REV3L: variants seen among roughly 807,000 people sequenced by gnomAD.
REV3L encodes the protein REV3 like, DNA directed polymerase zeta catalytic subunit, also known as DNA polymerase zeta catalytic subunit.
In REV3L, 69 loss-of-function variants were observed where a neutral mutation model predicts 299.4. The observed-to-expected ratio is 0.23, with a 90% CI of 0.19 to 0.28. REV3L has a LOEUF of 0.28. REV3L is among the 10% of genes least tolerant of loss of function. The pLI is 1.00. For synonymous variants in REV3L, 1,238 were observed against 1,271.4 expected (o/e 0.97, Z 0.56); for missense variants, 3,128 against 3,693.8 (o/e 0.85, Z 3.97).
chr6:111,419,574 T>C (rs1386237486), intron 1 of REV3L, among the ~76,000 whole-genome samples: 1 of 152,204 alleles, frequency 6.6e-6, no homozygotes, highest in Non-Finnish European at 1.5e-5. Flanking sequence ...TAGGATTAGG[T>C]TAAATTGTGA....
At chr6:111,336,618 C>T (rs895623605) in intron 21 of REV3L, among the ~76,000 whole-genome samples, 4 of 151,994 alleles carry the variant, frequency 2.6e-5, no homozygotes, top group African/African-American at 9.7e-5. Flanking sequence ...TTTGGCAGTT[C>T]CTCAAACAGT....
At chr6:111,470,625 A>G (rs531446974) in intron 1 of REV3L, among the ~76,000 whole-genome samples, 2 of 152,254 alleles carry the variant, frequency 1.3e-5, no homozygotes, top group Non-Finnish European at 2.9e-5. Flanking sequence ...AGCATTATCA[A>G]CTAAGGTGTG....
At chr6:111,456,761 C>G (rs977975494) in intron 1 of REV3L, among the ~76,000 whole-genome samples, 5 of 152,108 alleles carry the variant, frequency 3.3e-5, no homozygotes, top group Non-Finnish European at 5.9e-5. Context: ...TCAGACATAT[C>G]CAAAGAATCT....
chr6:111,470,584 T>C (rs1792077557), intron 1 of REV3L, among the ~76,000 whole-genome samples: 1 of 152,236 alleles, frequency 6.6e-6, no homozygotes, highest in Admixed American at 6.5e-5. Flanking sequence ...CTTTTAACTA[T>C]AATAACATGG....
chr6:111,373,964 C>T lies in REV3L; in HGVS notation c.4391G>A (p.Arg1464Lys). Residue 1464 changes from arginine to lysine, a missense_variant, in exon 13 of 32, where the codon AGA becomes AAA. Coordinates refer to ENST00000368802, the MANE Select transcript of REV3L (RefSeq NM_001372078.1). ...CCATGCTATTTGTTTGATTGGACTT[C>T]TCAAGGAAGTTACAAAGCAATTATT... The part of the protein sequence containing the change: ...MPNNCFVTSL[R>K]SPIKQIAWEQ... 1.2e-6 allele frequency: 2 copies of T among 1,614,104 alleles called. No homozygotes were observed. Among genetic ancestry groups the T allele is most frequent in the South Asian group, 1.1e-5 (1 of 91,082 alleles).
At chr6:111,414,530 T>G (rs562043764) in intron 2 of REV3L, among the ~76,000 whole-genome samples, 29 of 152,266 alleles carry the variant, frequency 1.9e-4, no homozygotes, top group African/African-American at 7.0e-4. Flanking sequence ...TAAGAGTACT[T>G]CTGCTGCTCT....
Position 111,472,076 on chromosome 6 carries a change from A to G in REV3L, c.139+10674T>C, listed in dbSNP as rs1165687325. 2.4e-6 allele frequency: 3 copies of G among 1,250,116 alleles called. No individual in the cohort carries two copies. In the South Asian group the frequency reaches 4.0e-5, roughly 17 times the overall value. The allele number at this position is 1,250,116 out of a possible 1,614,324, so 77.4% of individuals were successfully genotyped here. On this transcript the variant is annotated intron_variant, in intron 1 of 31. Transcript: ENST00000368802. ...CAGATATATTATTCCATAGTTTTAA[A>G]ACAAATAATATGATGACAGTTTAAT...
At position 111,374,828 on chromosome 6, in the gene REV3L, T is replaced by G; in HGVS notation, c.3527A>C (p.Lys1176Thr). The G allele has an allele frequency of 5.0e-6, 8 of 1,613,530 alleles. No individual in the cohort carries two copies. The highest frequency in any genetic ancestry group is 5.9e-6 in the Non-Finnish European group (7 of 1,179,832). ...KTSRARAQIKKSKAKLANPSI... is the reference protein window; with the variant it reads ...KTSRARAQIKTSKAKLANPSI... Reference sequence around the variant, plus strand: ...GGGATTAGCAAGCTTTGCTTTTGATTTCTTAATCTGTGCTCTTGCGCGACT... The same window carrying G: ...GGGATTAGCAAGCTTTGCTTTTGATGTCTTAATCTGTGCTCTTGCGCGACT... Residue 1176 changes from lysine to threonine, a missense_variant, in exon 13 of 32, where the codon AAA (lysine) becomes ACA (threonine). Coordinates refer to ENST00000368802, the MANE Select transcript of REV3L (RefSeq NM_001372078.1).
intron 3 of REV3L, among the ~76,000 whole-genome samples, chr6:111,406,256 T>C (rs1482312414): frequency 1.3e-5 from 2 of 152,100 alleles, no homozygotes. Context: ...AGTATTCACG[T>C]AAATAAAACT....
chr6:111,430,405 A>C, intron 1 of REV3L: 1 of 1,416,964 alleles, frequency 7.1e-7, no homozygotes, highest in East Asian at 2.3e-5. Flanking sequence ...CAGTCCATAG[A>C]AAAACTAAAG....
intron 1 of REV3L, among the ~76,000 whole-genome samples, chr6:111,436,459 T>C (rs987824494): frequency 1.3e-5 from 2 of 152,256 alleles, no homozygotes; most frequent in Middle Eastern, 3.4e-3. Context: ...ATAAAAAAAA[T>C]GAAATCCTGT....
At chr6:111,411,422 T>A in intron 3 of REV3L, 58 bp downstream of exon 3, 6 of 1,142,990 alleles carry the variant, frequency 5.2e-6, no homozygotes, top group Non-Finnish European at 6.2e-6. Flanking sequence ...AGATTTTTTT[T>A]ATTATTAAAA....
At chr6:111,437,531 T>C (rs1243832965) in intron 1 of REV3L, among the ~76,000 whole-genome samples, 2 of 151,468 alleles carry the variant, frequency 1.3e-5, no homozygotes, top group East Asian at 3.9e-4. Flanking sequence ...AATTAAAATA[T>C]TTTAATTTTA....
At chr6:111,364,123 C>T in intron 15 of REV3L, 145 bp from the exon 16 acceptor site, 3 of 1,140,244 alleles carry the variant, frequency 2.6e-6, no homozygotes, top group Non-Finnish European at 3.6e-6. Flanking sequence ...CAAGAACAAA[C>T]TGTATTTTAT....
At chr6:111,452,343 A>C (rs1351450636) in intron 1 of REV3L, among the ~76,000 whole-genome samples, 1 of 152,002 alleles carries the variant, frequency 6.6e-6, no homozygotes, top group Admixed American at 6.6e-5. Flanking sequence ...CAACAATCCC[A>C]CTCCTAAGTA....
rs894953568 is a variant in REV3L, at chr6:111,333,275, G to T, written c.7773C>A (p.Ala2591=). 1 of 1,614,052 alleles carries T rather than the reference G, an allele frequency of 6.2e-7. No homozygotes were observed. The highest frequency in any genetic ancestry group is 1.1e-5 in the South Asian group (1 of 91,084). ...CCATAATTAGAGGAACACACTGTGGGGCTCTCATCTGGGATCTTTGCTGAA... is the reference window on the plus strand; with the variant it reads ...CCATAATTAGAGGAACACACTGTGGTGCTCTCATCTGGGATCTTTGCTGAA... ...PSVQQRSQMR[A]PQCVPLIMEP... The change falls in exon 23 of 32, where the codon GCC becomes GCA. Residue 2591 remains alanine, a synonymous_variant. Transcript: ENST00000368802.
At chr6:111,450,393 T>C (rs1344477077) in intron 1 of REV3L, among the ~76,000 whole-genome samples, 1 of 145,238 alleles carries the variant, frequency 6.9e-6, no homozygotes, top group Non-Finnish European at 1.5e-5. Flanking sequence ...ATGGGAGGAC[T>C]GCTTGAGCCC....
chr6:111,390,517 G>A (rs1781812005), intron 5 of REV3L, among the ~76,000 whole-genome samples: 1 of 152,018 alleles, frequency 6.6e-6, no homozygotes, highest in South Asian at 2.1e-4. Flanking sequence ...AACCTCAGAG[G>A]AATGCATAAA....
At chr6:111,390,414 C>T (rs544602857) in intron 5 of REV3L, among the ~76,000 whole-genome samples, 24 of 152,028 alleles carry the variant, frequency 1.6e-4, no homozygotes, top group African/African-American at 5.3e-4. Flanking sequence ...GTAAATTCTA[C>T]GTATTTTGGT....
Sources: gnomAD v4.1 joint callset for allele counts (sites outside exome capture counted in the v4.1 genomes callset) on GRCh38, gnomAD v4.1.1 for gene constraint, MANE v1.5 for transcripts, NCBI Gene and HGNC (gene_info 2026-07-23, HGNC 2026-07-21) for gene names.